SP4: variants seen among roughly 807,000 people sequenced by gnomAD.
SP4 encodes the protein transcription factor Sp4.
SP4 carries 19 observed loss-of-function variants against 72.8 expected under a neutral mutation model. That is an observed-to-expected ratio of 0.26 (90% CI 0.18 to 0.38). The LOEUF (loss-of-function observed/expected upper bound fraction) is 0.38. Among genes scored for constraint, SP4 ranks in the 10% least tolerant of loss-of-function variants. SP4 has a pLI of 1.00. For missense variants in SP4, 1,008 were observed against 926.3 expected (o/e 1.09, Z -1.14); for synonymous variants, 395 against 333.1 (o/e 1.19, Z -2.02).
chr7:21,509,818 T>C (rs967388782), intron 5 of SP4, among the ~76,000 whole-genome samples: 16 of 152,234 alleles, frequency 1.1e-4, no homozygotes, highest in African/African-American at 3.9e-4. Flanking sequence ...TTTCTCATTA[T>C]ATTAGTCTGT....
rs771409648 is a variant in SP4 at position 21,430,129 on chromosome 7, A to G, written c.964A>G (p.Thr322Ala). The G allele has an allele frequency of 5.0e-6, 8 of 1,614,154 alleles. No homozygotes were observed. The highest frequency in any genetic ancestry group is 1.1e-5 in the South Asian group (1 of 91,086). The change falls in exon 3 of 6, where the codon ACT becomes GCT. Residue 322 changes from threonine to alanine, a missense_variant. By Grantham distance (58) the Thr-to-Ala change is moderately conservative. Transcript: ENST00000222584. ...TATGCCAGAATCTCCCTCCTCCTCC[A>G]CTACCTGCACAACCACTGCTTCAAC... ...STMPESPSSS[T>A]TCTTTASTSL...
chr7:21,459,866 A>C (rs1278159036), intron 3 of SP4, among the ~76,000 whole-genome samples: 1 of 152,272 alleles, frequency 6.6e-6, no homozygotes, highest in Non-Finnish European at 1.5e-5. Context: ...CTGAGAGCAT[A>C]AAGGTAGAAG....
intron 5 of SP4, among the ~76,000 whole-genome samples, chr7:21,483,520 C>T (rs920119276): frequency 3.3e-5 from 5 of 151,700 alleles, no homozygotes; most frequent in Admixed American, 6.6e-5. Flanking sequence ...ATCTTTTATT[C>T]GCTCAAGATT....
chr7:21,433,666 T>A (rs1782944081), intron 3 of SP4, among the ~76,000 whole-genome samples: 1 of 152,176 alleles, frequency 6.6e-6, no homozygotes, highest in Non-Finnish European at 1.5e-5. Context: ...GTGGGCCGGG[T>A]GCAGTGGCAC....
chr7:21,487,845 T>G (rs550815303), intron 5 of SP4, among the ~76,000 whole-genome samples: 24 of 152,026 alleles, frequency 1.6e-4, no homozygotes, highest in Middle Eastern at 3.4e-3. Flanking sequence ...TTTTGAAAAC[T>G]TTATGAGCTA....
chr7:21,478,303 T>C (rs1295636665), intron 4 of SP4, among the ~76,000 whole-genome samples: 1 of 152,268 alleles, frequency 6.6e-6, no homozygotes, highest in Admixed American at 6.5e-5. Context: ...CTGGCCGTTA[T>C]GAATAATACT....
chr7:21,474,172 C>T (rs986198087), intron 3 of SP4, among the ~76,000 whole-genome samples: 3 of 152,146 alleles, frequency 2.0e-5, no homozygotes, highest in Non-Finnish European at 2.9e-5. Flanking sequence ...TCTTCCCCAC[C>T]CCTCACCCCC....
intron 3 of SP4, among the ~76,000 whole-genome samples, chr7:21,458,321 T>A (rs892198647): frequency 6.6e-6 from 1 of 152,038 alleles, no homozygotes; most frequent in African/African-American, 2.4e-5. Context: ...GCCTCCCGAG[T>A]AGCTGGGATT....
At chr7:21,444,666 G>A (rs73682382) in intron 3 of SP4, among the ~76,000 whole-genome samples, 39 of 152,212 alleles carry the variant, frequency 2.6e-4, no homozygotes, top group Admixed American at 7.2e-4. Context: ...AGCACTTTAT[G>A]TGTATTAACT....
intron 3 of SP4, among the ~76,000 whole-genome samples, chr7:21,460,137 A>C (rs1351832533): frequency 6.6e-6 from 1 of 152,242 alleles, no homozygotes; most frequent in African/African-American, 2.4e-5. Context: ...GGCATTGTAC[A>C]AAAGATAGTG....
chr7:21,512,588 G>T lies in SP4; in HGVS notation c.*1319G>T, dbSNP rs1476559960. On this transcript the variant is annotated 3_prime_UTR_variant, in exon 6 of 6. Coordinates refer to ENST00000222584, the MANE Select transcript of SP4 (RefSeq NM_003112.5). ...TTTTTTTTTTTTTTTTTGAGATGGA[G>T]TCTCGCTCTCTTGCCCAGGCTGGAG... 7.0e-6 allele frequency: 1 copy of T among 142,714 alleles called. No homozygotes were observed. Among genetic ancestry groups the T allele is most frequent in the African/African-American group, 2.6e-5 (1 of 37,982 alleles). The allele number at this position is 142,714 out of a possible 1,614,324, so 8.8% of individuals were successfully genotyped here.
At chr7:21,461,671 C>A (rs1783993700) in intron 3 of SP4, among the ~76,000 whole-genome samples, 1 of 152,180 alleles carries the variant, frequency 6.6e-6, no homozygotes, top group Admixed American at 6.5e-5. Context: ...GCAGCCTCGG[C>A]CAGCCCGGAG....
Position 21,477,257 on chromosome 7 carries a change from G to C in SP4, c.1857G>C (p.Arg619Ser), listed in dbSNP as rs757630603. 6.2e-7 allele frequency: 1 copy of C among 1,614,130 alleles called. No individual in the cohort carries two copies. The highest frequency in any genetic ancestry group is 8.5e-7 in the Non-Finnish European group (1 of 1,180,004). ...ATCAAGAGGTACAACCTGGCAAGAG[G>C]CTTCGAAGAGTTGCCTGTTCCTGTC... Reference protein sequence around the residue: ...TSDQEVQPGKRLRRVACSCPN... With the variant: ...TSDQEVQPGKSLRRVACSCPN... The change falls in exon 4 of 6, where the codon AGG becomes AGC. Residue 619 changes from arginine to serine, a missense_variant. By Grantham distance (110) the Arg-to-Ser change is moderately radical. Coordinates refer to ENST00000222584, the MANE Select transcript of SP4 (RefSeq NM_003112.5).
intron 5 of SP4, among the ~76,000 whole-genome samples, chr7:21,489,576 T>C (rs55864517): frequency 0.22 from 31,405 of 140,442 alleles, 3,641 homozygotes; most frequent in Middle Eastern, 0.44. Context: ...TTTTTTTTTT[T>C]TGAGATGGAG....
At position 21,428,228 on chromosome 7, in the gene SP4, G is replaced by T. The variant is rs200485900; in HGVS notation, c.-24G>T. On this transcript the variant is annotated 5_prime_UTR_variant, in exon 1 of 6. Transcript: ENST00000222584. ...CACCTCTATCCCAGTGTCTCCGTCT[G>T]AGGGTTTGTCCTGTTAATGCGGGAT... The T allele has an allele frequency of 1.3e-3, 1,816 of 1,428,234 alleles. 1 individual carries two copies. The highest frequency in any genetic ancestry group is 1.5e-3 in the Non-Finnish European group (1,611 of 1,056,086). The allele number at this position is 1,428,234 out of a possible 1,614,324, so 88.5% of individuals were successfully genotyped here.
At chr7:21,431,176 T>G (rs1488211800) in intron 3 of SP4, among the ~76,000 whole-genome samples, 2 of 152,242 alleles carry the variant, frequency 1.3e-5, no homozygotes. Flanking sequence ...AGAACCCTAG[T>G]CGAAATGATA....
intron 5 of SP4, among the ~76,000 whole-genome samples, chr7:21,492,523 C>A (rs1438396157): frequency 6.6e-6 from 1 of 151,824 alleles, no homozygotes; most frequent in East Asian, 2.0e-4. Flanking sequence ...GGAAAAAAAT[C>A]CAAAATCTGA....
At chr7:21,434,923 C>T (rs1457731453) in intron 3 of SP4, among the ~76,000 whole-genome samples, 1 of 151,954 alleles carries the variant, frequency 6.6e-6, no homozygotes, top group African/African-American at 2.4e-5. Context: ...CTAATTGTAC[C>T]TCTGGCTTAA....
chr7:21,466,770 CATA>C (rs1287462392), intron 3 of SP4, among the ~76,000 whole-genome samples: 1 of 150,868 alleles, frequency 6.6e-6, no homozygotes, highest in Non-Finnish European at 1.5e-5. Context: ...AATTAATAAG[CATA>C]ATTTTCAAAT....
Sources: gnomAD v4.1 joint callset for allele counts (sites outside exome capture counted in the v4.1 genomes callset) on GRCh38, gnomAD v4.1.1 for gene constraint, MANE v1.5 for transcripts, NCBI Gene and HGNC (gene_info 2026-07-23, HGNC 2026-07-21) for gene names.